Variants in IL22RA2 observed in about 807,000 individuals in gnomAD.
IL22RA2 encodes the protein interleukin-22 receptor subunit alpha-2.
Under a neutral mutation model 30.7 loss-of-function variants are expected in IL22RA2, and 39 were observed. The ratio of observed to expected loss-of-function variants is 1.27; its 90% CI spans 0.98 to 1.66. The LOEUF (loss-of-function observed/expected upper bound fraction) is 1.66. Among genes scored for constraint, IL22RA2 ranks in the 40% most tolerant of loss-of-function variants. The pLI is 0.00. For synonymous variants in IL22RA2, 103 were observed against 105.0 expected, an observed-to-expected ratio of 0.98 and a Z score of 0.11; for missense variants, 315 against 312.7, an observed-to-expected ratio of 1.01 and a Z score of -0.05.
At chr6:137,166,228 G>T (rs542969070) in intron 1 of IL22RA2, among the ~76,000 whole-genome samples, 5 of 152,228 alleles carry the variant, frequency 3.3e-5, no homozygotes, top group African/African-American at 4.8e-5. Flanking sequence ...TCTGCCGGCC[G>T]GAACTTTAGC....
intron 5 of IL22RA2, among the ~76,000 whole-genome samples, chr6:137,151,939 T>C (rs1485219179): frequency 6.6e-6 from 1 of 152,206 alleles, no homozygotes; most frequent in African/African-American, 2.4e-5. Flanking sequence ...CTGATGGGAA[T>C]GTAAAATAGT....
At chr6:137,151,672 C>T (rs1008509526) in intron 5 of IL22RA2, among the ~76,000 whole-genome samples, 1 of 152,022 alleles carries the variant, frequency 6.6e-6, no homozygotes, top group Non-Finnish European at 1.5e-5. Context: ...CATTGGTATG[C>T]AGAATATATA....
intron 4 of IL22RA2, 48 bp downstream of exon 4, chr6:137,156,711 A>G (rs1159337962): frequency 3.4e-5 from 54 of 1,597,232 alleles, no homozygotes; most frequent in Non-Finnish European, 4.4e-5. Context: ...TAATGTTTCT[A>G]TAACAGAACA....
In IL22RA2 at chr6:137,147,747, A is replaced by C. The variant is rs774454722; in HGVS notation, c.617T>G (p.Phe206Cys). 33 of 1,567,600 alleles carry C rather than the reference A, an allele frequency of 2.1e-5. No individual in the cohort carries two copies. Among genetic ancestry groups the C allele is most frequent in the Non-Finnish European group, 2.9e-5 (33 of 1,149,608 alleles). ...CTTTTCTAGTGAATTGTTAATTATA[A>C]AAACTCGGTATAGTAGTTCATAGTA... ...EDYYELLYRVFIINNSLEKEQ... is the reference protein window; with the variant it reads ...EDYYELLYRVCIINNSLEKEQ... The change falls in exon 6 of 7, where the codon TTT (phenylalanine) becomes TGT (cysteine). Residue 206 changes from phenylalanine (F) to cysteine (C), a missense_variant. By Grantham distance (205) the Phe-to-Cys change is radical (BLOSUM62 -2). Coordinates refer to ENST00000296980, the MANE Select transcript of IL22RA2 (RefSeq NM_052962.3).
rs1007627981 is a variant in IL22RA2, at chr6:137,144,115, G to T, written c.*1509C>A. 1.3e-5 allele frequency: 2 copies of T among 151,996 alleles called. No individual in the cohort carries two copies. The highest frequency in any genetic ancestry group is 4.8e-5 in the African/African-American group (2 of 41,300). 9.4% of individuals were successfully genotyped at this position (151,996 alleles called of 1,614,324 possible). ...CCCACCCCACTACTCTTAATTCATC[G>T]CCCTCTCCACAAAAGGACAAAAGGC... is the stretch of plus-strand genomic sequence containing the variant. On this transcript the variant is annotated 3_prime_UTR_variant, in exon 7 of 7. Transcript: ENST00000296980.
intron 5 of IL22RA2, among the ~76,000 whole-genome samples, chr6:137,149,915 G>A (rs574696671): frequency 1.3e-5 from 2 of 152,262 alleles, no homozygotes; most frequent in East Asian, 3.9e-4. Context: ...TTTGCCTCAA[G>A]TGATCCTCCT....
At chr6:137,152,906 G>A (rs1778318731) in intron 5 of IL22RA2, among the ~76,000 whole-genome samples, 1 of 152,116 alleles carries the variant, frequency 6.6e-6, no homozygotes, top group Non-Finnish European at 1.5e-5. Context: ...TTCCAGTAAG[G>A]AAGATCAATG....
chr6:137,171,742 A>T (rs1778738750), intron 1 of IL22RA2, among the ~76,000 whole-genome samples: 1 of 152,228 alleles, frequency 6.6e-6, no homozygotes, highest in Non-Finnish European at 1.5e-5. Context: ...ACCAGATCCC[A>T]GTGGACCAGG....
intron 6 of IL22RA2, among the ~76,000 whole-genome samples, chr6:137,146,290 C>A (rs1256526857): frequency 6.6e-6 from 1 of 152,150 alleles, no homozygotes; most frequent in Non-Finnish European, 1.5e-5. Context: ...CCTCAGCCTC[C>A]CAAAGTGCTG....
chr6:137,166,618 C>A (rs1227486621), intron 1 of IL22RA2, among the ~76,000 whole-genome samples: 1 of 152,172 alleles, frequency 6.6e-6, no homozygotes, highest in African/African-American at 2.4e-5. Flanking sequence ...ACAGAACCCC[C>A]TAACTACTCC....
Position 137,161,751 on chromosome 6 carries a change from G to T in IL22RA2, c.-2C>A. The T allele has an allele frequency of 6.2e-7, 1 of 1,613,024 alleles. No individual in the cohort carries two copies. The highest frequency in any genetic ancestry group is 8.5e-7 in the Non-Finnish European group (1 of 1,179,298). ...TAGAAAGCAATGTTTAGGCATCATGGTTGCAAGTGTGACTGTTCAGGCAAC... is the reference window on the plus strand; with the variant it reads ...TAGAAAGCAATGTTTAGGCATCATGTTTGCAAGTGTGACTGTTCAGGCAAC... On this transcript the variant is annotated 5_prime_UTR_variant, in exon 2 of 7. Transcript: ENST00000296980.
At chr6:137,148,294 G>T (rs1778219993) in intron 5 of IL22RA2, among the ~76,000 whole-genome samples, 2 of 152,144 alleles carry the variant, frequency 1.3e-5, no homozygotes, top group Admixed American at 6.5e-5. Context: ...GCCCAGGCTG[G>T]GCTCAAACTC....
chr6:137,158,230 C>T (rs1316875170), intron 3 of IL22RA2, 117 bp downstream of exon 3: 4 of 1,247,402 alleles, frequency 3.2e-6, no homozygotes, highest in African/African-American at 1.5e-5. Flanking sequence ...CTGACCTTGG[C>T]TTCTTCTCAA....
intron 2 of IL22RA2, among the ~76,000 whole-genome samples, chr6:137,159,552 A>G (rs1778478809): frequency 6.6e-6 from 1 of 152,026 alleles, no homozygotes; most frequent in South Asian, 2.1e-4. Context: ...CGAACTCCTG[A>G]CCTCAAGTGA....
intron 2 of IL22RA2, among the ~76,000 whole-genome samples, chr6:137,160,862 C>T (rs1164424006): frequency 6.6e-6 from 1 of 152,206 alleles, no homozygotes; most frequent in Non-Finnish European, 1.5e-5. Flanking sequence ...TGTGCCCTTG[C>T]TGTTACCAAG....
Position 137,155,109 on chromosome 6 carries a change from T to C in IL22RA2, c.304A>G (p.Arg102Gly). 6.4e-7 allele frequency: 1 copy of C among 1,556,944 alleles called. No individual in the cohort carries two copies. The highest frequency in any genetic ancestry group is 8.7e-7 in the Non-Finnish European group (1 of 1,151,290). Residue 102 changes from arginine to glycine, a missense_variant, in exon 5 of 7, where the codon AGA becomes GGA. Physicochemically the swap from Arg to Gly is moderately radical, Grantham distance 125. Coordinates refer to ENST00000296980, the MANE Select transcript of IL22RA2 (RefSeq NM_052962.3). ...CAGTCTTCTTTATTTTTCCATTGTC[T>C]CTGTCCATATCTGTAGCAGGGAAAA... is the stretch of plus-strand genomic sequence containing the variant. Reference protein sequence around the residue: ...GCRTLAKYGQRQWKNKEDCWG... With the variant: ...GCRTLAKYGQGQWKNKEDCWG...
chr6:137,156,544 A>G (rs1273033019), intron 4 of IL22RA2, among the ~76,000 whole-genome samples: 1 of 152,180 alleles, frequency 6.6e-6, no homozygotes, highest in Admixed American at 6.5e-5. Context: ...CCTATTCTAA[A>G]CGCAAGGGAT....
At chr6:137,158,777 T>C (rs184851841) in intron 2 of IL22RA2, among the ~76,000 whole-genome samples, 52 of 152,308 alleles carry the variant, frequency 3.4e-4, no homozygotes, top group Non-Finnish European at 5.7e-4. Flanking sequence ...TTGCTCTTAT[T>C]TTGTTCCCAA....
intron 1 of IL22RA2, among the ~76,000 whole-genome samples, chr6:137,173,206 T>C (rs1010536880): frequency 3.3e-5 from 5 of 152,172 alleles, no homozygotes; most frequent in African/African-American, 1.2e-4. Context: ...ACCCCGTCTG[T>C]ACTAAAAATA....
Sources: allele counts gnomAD v4.1 joint callset (sites outside exome capture counted in the v4.1 genomes callset), GRCh38; gene constraint gnomAD v4.1.1; transcripts MANE v1.5; gene names NCBI Gene and HGNC (gene_info 2026-07-23, HGNC 2026-07-21).